SFMBT1: variants seen among roughly 807,000 people sequenced by gnomAD.
The protein encoded by SFMBT1 is Scm like with four mbt domains 1, also known as scm-like with four MBT domains protein 1.
In SFMBT1, 32 loss-of-function variants were observed where a neutral mutation model predicts 108.7. The ratio of observed to expected loss-of-function variants is 0.29; its 90% CI spans 0.22 to 0.40. The LOEUF (loss-of-function observed/expected upper bound fraction) is 0.40. SFMBT1 is among the 10% of genes least tolerant of loss of function. The pLI, the probability that SFMBT1 is intolerant of heterozygous loss-of-function variation, is 1.00. For synonymous variants in SFMBT1, 348 were observed against 369.5 expected, an observed-to-expected ratio of 0.94 and a Z score of 0.67; for missense variants, 816 against 1,059.6, an observed-to-expected ratio of 0.77 and a Z score of 3.19.
Position 52,926,056 on chromosome 3 carries a change from G to A in SFMBT1, c.1106C>T (p.Ala369Val). 6.2e-7 allele frequency: 1 copy of A among 1,605,202 alleles called. No individual in the cohort carries two copies. The highest frequency in any genetic ancestry group is 8.5e-7 in the Non-Finnish European group (1 of 1,176,656). Residue 369 changes from alanine (A) to valine (V), a missense_variant, in exon 10 of 21, where the codon GCT becomes GTT. Transcript: ENST00000394752. ...ADYLKQCGAE[A>V]APQRCFPPLI... is the part of the protein sequence containing the mutation. ...CGGAGGGAAGCACCTCTGGGGAGCA[G>A]CTTCAGCACCACACTGTTTGAGGTA...
chr3:52,936,595 C>T (rs1703014771), intron 4 of SFMBT1, among the ~76,000 whole-genome samples: 1 of 152,198 alleles, frequency 6.6e-6, no homozygotes, highest in African/African-American at 2.4e-5. Flanking sequence ...TTTGGTATGA[C>T]AAGATGTTCC....
rs1002919670 is a variant in SFMBT1, at chr3:52,954,263, A to G, written c.123+54T>C. On this transcript the variant is annotated intron_variant, in intron 3 of 20. Transcript: ENST00000394752. Reference sequence around the variant, plus strand: ...TTTAAATTCTCTAATGATAATACAGAGATTCGAAATAAAGGGATATAACAC... The same window carrying G: ...TTTAAATTCTCTAATGATAATACAGGGATTCGAAATAAAGGGATATAACAC... 2.4e-5 allele frequency: 30 copies of G among 1,263,006 alleles called. No homozygotes were observed. In the Admixed American group the frequency reaches 5.8e-4, roughly 25 times the overall value. 78.2% of individuals were successfully genotyped at this position (1,263,006 alleles called of 1,614,324 possible).
chr3:52,989,078 C>G (rs965125950), intron 1 of SFMBT1, among the ~76,000 whole-genome samples: 3 of 131,740 alleles, frequency 2.3e-5, no homozygotes, highest in African/African-American at 7.5e-5. Flanking sequence ...CAGAAAGATT[C>G]CTCTTCCTGA....
chr3:52,954,112 G>A (rs1176095481), intron 3 of SFMBT1, among the ~76,000 whole-genome samples: 6 of 151,554 alleles, frequency 4.0e-5, no homozygotes, highest in East Asian at 1.9e-4. Context: ...GCGACAAAGC[G>A]AGACTCCATC....
intron 1 of SFMBT1, among the ~76,000 whole-genome samples, chr3:52,986,448 A>T (rs919089082): frequency 4.6e-5 from 7 of 152,162 alleles, no homozygotes; most frequent in African/African-American, 1.7e-4. Flanking sequence ...ATAGCTTAAA[A>T]TACAAACACT....
chr3:53,014,937 G>C (rs1699074503), intron 1 of SFMBT1, among the ~76,000 whole-genome samples: 2 of 152,060 alleles, frequency 1.3e-5, no homozygotes, highest in Admixed American at 1.3e-4. Context: ...AAAAGTAATA[G>C]GACCGGGAGC....
intron 1 of SFMBT1, among the ~76,000 whole-genome samples, chr3:53,035,296 T>C (rs1278941051): frequency 7.0e-6 from 1 of 142,030 alleles, no homozygotes; most frequent in Non-Finnish European, 1.5e-5. Flanking sequence ...CCTGAGGAGT[T>C]TGGACTTTAC....
At chr3:53,041,776 C>T (rs1022799930) in intron 1 of SFMBT1, among the ~76,000 whole-genome samples, 6 of 150,114 alleles carry the variant, frequency 4.0e-5, no homozygotes, top group African/African-American at 1.5e-4. Context: ...TGGGAGACTC[C>T]TATCAAAATC....
chr3:53,004,267 TCTCTCTCTC>T (rs1449274028), intron 1 of SFMBT1, among the ~76,000 whole-genome samples: 1 of 130,222 alleles, frequency 7.7e-6, no homozygotes, highest in Non-Finnish European at 1.7e-5. Context: ...TCTCTCTCTC[TCTCTCTCTC>T]CTCCTCTCTT....
chr3:52,928,764 T>C (rs1164108843), intron 8 of SFMBT1, among the ~76,000 whole-genome samples: 1 of 151,406 alleles, frequency 6.6e-6, no homozygotes, highest in Non-Finnish European at 1.5e-5. Flanking sequence ...GGCATGAATT[T>C]GGCTCACCGA....
chr3:53,030,205 G>C (rs561372946), intron 1 of SFMBT1, among the ~76,000 whole-genome samples: 1 of 152,216 alleles, frequency 6.6e-6, no homozygotes, highest in South Asian at 2.1e-4. Context: ...ATATATCCAA[G>C]ATATTTTCAG....
At chr3:53,044,492 G>T (rs1339635324) in intron 1 of SFMBT1, among the ~76,000 whole-genome samples, 1 of 152,032 alleles carries the variant, frequency 6.6e-6, no homozygotes, top group East Asian at 1.9e-4. Flanking sequence ...ATCTACCTAC[G>T]GCCTAATTCA....
At chr3:52,935,866 T>C (rs184863326) in intron 4 of SFMBT1, among the ~76,000 whole-genome samples, 1 of 152,344 alleles carries the variant, frequency 6.6e-6, no homozygotes. Flanking sequence ...TCTCTTTTTT[T>C]ACTCCACATT....
chr3:52,989,629 T>G (rs1705051921), intron 1 of SFMBT1, among the ~76,000 whole-genome samples: 1 of 151,492 alleles, frequency 6.6e-6, no homozygotes, highest in South Asian at 2.1e-4. Flanking sequence ...CGAAATGCTG[T>G]CTCTACTAAA....
chr3:52,936,031 G>A (rs1209684408), intron 4 of SFMBT1, among the ~76,000 whole-genome samples: 1 of 152,082 alleles, frequency 6.6e-6, no homozygotes, highest in Non-Finnish European at 1.5e-5. Flanking sequence ...TAGACTTTGC[G>A]GGGTGGTGAG....
At chr3:53,017,485 G>C (rs374561703) in intron 1 of SFMBT1, among the ~76,000 whole-genome samples, 4 of 152,114 alleles carry the variant, frequency 2.6e-5, no homozygotes, top group African/African-American at 9.7e-5. Flanking sequence ...TACCCTCTTG[G>C]GGGTTTATAG....
At chr3:52,974,415 A>G (rs6795138) in intron 1 of SFMBT1, among the ~76,000 whole-genome samples, 3,137 of 152,250 alleles carry the variant, frequency 0.021, 120 homozygotes, top group African/African-American at 0.072. Flanking sequence ...CCATTCCCCA[A>G]CAGGTGTAGT....
At chr3:52,971,394 G>A (rs550270383) in intron 1 of SFMBT1, among the ~76,000 whole-genome samples, 30 of 152,158 alleles carry the variant, frequency 2.0e-4, no homozygotes, top group African/African-American at 4.8e-4. Flanking sequence ...TATAAGCACC[G>A]AAACCCACAC....
intron 10 of SFMBT1, among the ~76,000 whole-genome samples, chr3:52,924,485 T>C (rs1181776999): frequency 6.6e-6 from 1 of 151,454 alleles, no homozygotes; most frequent in Admixed American, 6.6e-5. Context: ...CTGCTAAAAA[T>C]ACAAAAATTA....
Sources: allele counts gnomAD v4.1 joint callset (sites outside exome capture counted in the v4.1 genomes callset), GRCh38; gene constraint gnomAD v4.1.1; transcripts MANE v1.5; gene names NCBI Gene and HGNC (gene_info 2026-07-23, HGNC 2026-07-21).